DOCK8: variants seen among roughly 807,000 people sequenced by gnomAD.
The protein encoded by DOCK8 is dedicator of cytokinesis 8.
In DOCK8, 141 loss-of-function variants were observed where a neutral mutation model predicts 245.6. That is an observed-to-expected ratio of 0.57 (90% CI 0.50 to 0.66). DOCK8 has a LOEUF of 0.66. Among genes scored for constraint, DOCK8 ranks in the 30% least tolerant of loss-of-function variants. The pLI, the probability that DOCK8 is intolerant of heterozygous loss-of-function variation, is 0.00. For synonymous variants in DOCK8, 1,168 were observed against 970.2 expected, an observed-to-expected ratio of 1.20 and a Z score of -3.79; for missense variants, 2,965 against 2,603.4, an observed-to-expected ratio of 1.14 and a Z score of -3.02.
chr9:317,952 G>C (rs1192818460), intron 7 of DOCK8, among the ~76,000 whole-genome samples: 1 of 141,836 alleles, frequency 7.1e-6, no homozygotes, highest in African/African-American at 2.7e-5. Flanking sequence ...GCATCCAAAC[G>C]TTTCAATTGT....
chr9:395,271 C>A (rs2054395158), intron 24 of DOCK8, among the ~76,000 whole-genome samples: 1 of 152,106 alleles, frequency 6.6e-6, no homozygotes, highest in Non-Finnish European at 1.5e-5. Flanking sequence ...TTAGGTCTTC[C>A]CTGAGCTGGC....
Position 372,194 on chromosome 9 carries a change from A to G in DOCK8, c.2017A>G (p.Ile673Val), listed in dbSNP as rs372858877. Residue 673 changes from isoleucine (I) to valine (V), a missense_variant, in exon 18 of 48, where the codon ATT (isoleucine) becomes GTT (valine). Physicochemically the swap from Ile to Val is conservative, Grantham distance 29. Around this residue, in one of 3 missense-constraint regions of DOCK8, gnomAD observed 2,825 missense variants for 2,453.5 expected, o/e 1.15. Transcript: ENST00000432829. ...ETLLGYSWLP[I>V]LLNERLQTGS... The stretch of plus-strand genomic sequence containing the variant: ...ACATCATCTGTTTCAGTGGCTGCCA[A>G]TTCTCTTAAATGAACGTCTTCAAAC... The G allele has an allele frequency of 1.1e-4, 178 of 1,613,980 alleles. No homozygotes were observed. The highest frequency in any genetic ancestry group is 2.5e-4 in the South Asian group (23 of 91,080).
At chr9:368,160 C>G (rs1232358791) in intron 15 of DOCK8, 25 bp downstream of exon 15, 2 of 1,596,848 alleles carry the variant, frequency 1.3e-6, no homozygotes, top group Non-Finnish European at 1.7e-6. Flanking sequence ...GAACATTTGC[C>G]TCAAATCAGG....
In DOCK8 at chr9:327,963, T is replaced by G. The variant is rs1284944889; in HGVS notation, c.895-59T>G. ...GTGGTGTTTTTACTCCTTTTTAACATGTTTAAACCATGAATGCAACAGGTC... is the reference window on the plus strand; with the variant it reads ...GTGGTGTTTTTACTCCTTTTTAACAGGTTTAAACCATGAATGCAACAGGTC... On this transcript the variant is annotated intron_variant, in intron 8 of 47. Transcript: ENST00000432829. 11 of 1,537,186 alleles carry G rather than the reference T, an allele frequency of 7.2e-6. No homozygotes were observed. In the South Asian group the frequency reaches 1.1e-4, roughly 16 times the overall value.
At chr9:303,280 A>C (rs915460067) in intron 4 of DOCK8, among the ~76,000 whole-genome samples, 1 of 152,212 alleles carries the variant, frequency 6.6e-6, no homozygotes, top group African/African-American at 2.4e-5. Context: ...CAATCCCACT[A>C]CTGGGTCTAT....
intron 4 of DOCK8, among the ~76,000 whole-genome samples, chr9:300,078 G>A (rs2049464433): frequency 6.6e-6 from 1 of 151,456 alleles, no homozygotes; most frequent in African/African-American, 2.4e-5. Flanking sequence ...TAGTCACCAA[G>A]CTAGTCTTAT....
rs781209325 is a variant in DOCK8 at position 463,639 on chromosome 9, A to C, written c.6191A>C (p.Lys2064Thr). 1.2e-6 allele frequency: 2 copies of C among 1,613,832 alleles called. No individual in the cohort carries two copies. The highest frequency in any genetic ancestry group is 2.2e-5 in the South Asian group (2 of 91,082). ...AACCTCAGGCCAATGATCGAGCGGAAAATTCCAGAACTGTACAAGCCAATA... is the reference window on the plus strand; with the variant it reads ...AACCTCAGGCCAATGATCGAGCGGACAATTCCAGAACTGTACAAGCCAATA... Reference protein sequence around the residue: ...KENLRPMIERKIPELYKPIFR... With the variant: ...KENLRPMIERTIPELYKPIFR... Residue 2064 changes from lysine (K) to threonine (T), a missense_variant, in exon 47 of 48, where the codon AAA becomes ACA. Around this residue, in one of 3 missense-constraint regions of DOCK8, gnomAD observed 134 missense variants for 128.1 expected, o/e 1.05. Coordinates refer to ENST00000432829, the MANE Select transcript of DOCK8 (RefSeq NM_203447.4).
intron 14 of DOCK8, 104 bp from the exon 15 acceptor site, chr9:367,914 T>C (rs1586816645): frequency 2.1e-6 from 2 of 942,094 alleles, no homozygotes; most frequent in East Asian, 2.4e-5. Flanking sequence ...AAAAACTTCT[T>C]TGGAAAAAGC....
intron 14 of DOCK8, among the ~76,000 whole-genome samples, chr9:359,739 A>G (rs1394254506): frequency 6.7e-6 from 1 of 149,110 alleles, no homozygotes; most frequent in African/African-American, 2.5e-5. Context: ...GAATGACAGC[A>G]TCTTTGTTCA....
rs527746303 is a variant in DOCK8, at chr9:243,911, G to A, written c.54-27716G>A. On this transcript the variant is annotated intron_variant, in intron 1 of 47. Coordinates refer to ENST00000432829, the MANE Select transcript of DOCK8 (RefSeq NM_203447.4). Reference sequence around the variant, plus strand: ...ATTTTAATGTCAGCTCTCGCCGGGCGCGGTGGCTCATGCCTGTAATCCCAG... The same window carrying A: ...ATTTTAATGTCAGCTCTCGCCGGGCACGGTGGCTCATGCCTGTAATCCCAG... Among the ~76,000 whole-genome samples the A allele has an allele frequency of 2.8e-3, 422 of 152,130 alleles. 3 individuals carry two copies. The highest frequency in any genetic ancestry group is 9.8e-3 in the African/African-American group (406 of 41,518).
intron 46 of DOCK8, among the ~76,000 whole-genome samples, chr9:461,416 A>G (rs1485338236): frequency 2.6e-5 from 4 of 151,032 alleles, no homozygotes; most frequent in Admixed American, 2.6e-4. Context: ...TATTTTTTAA[A>G]TCTCATTGGT....
At chr9:391,376 C>T (rs112639707) in intron 24 of DOCK8, among the ~76,000 whole-genome samples, 18 of 152,156 alleles carry the variant, frequency 1.2e-4, no homozygotes, top group African/African-American at 4.3e-4. Context: ...TTGGGTCTCT[C>T]TTGTGTATTA....
chr9:385,693 A>C (rs906822990), intron 22 of DOCK8, among the ~76,000 whole-genome samples: 1 of 152,206 alleles, frequency 6.6e-6, no homozygotes, highest in African/African-American at 2.4e-5. Flanking sequence ...CTGGTTGTTA[A>C]ACATTTGCCA....
At position 261,168 on chromosome 9, in the gene DOCK8, G is replaced by A. The variant is rs116959332; in HGVS notation, c.54-10459G>A. Among the ~76,000 whole-genome samples the A allele has an allele frequency of 7.2e-5, 11 of 151,834 alleles. No homozygotes were observed. The East Asian group carries it at 1.9e-3, about 27-fold the overall frequency. ...ACCTGGCAGACAGGAGTAGGAGGGA[G>A]ACATTGTACAATATGCTTTTTTATA... On this transcript the variant is annotated intron_variant, in intron 1 of 47. Coordinates refer to ENST00000432829, the MANE Select transcript of DOCK8 (RefSeq NM_203447.4).
intron 14 of DOCK8, among the ~76,000 whole-genome samples, chr9:347,523 C>T (rs146971377): frequency 2.5e-3 from 377 of 152,238 alleles, no homozygotes; most frequent in African/African-American, 8.2e-3. Context: ...AAACAAAAAA[C>T]TCTGTCCTAA....
In DOCK8 at chr9:325,692, C is replaced by T; in HGVS notation, c.849C>T (p.Pro283=). The T allele has an allele frequency of 6.2e-7, 1 of 1,613,966 alleles. No homozygotes were observed. The highest frequency in any genetic ancestry group is 1.1e-5 in the South Asian group (1 of 91,082). ...GTAGGTTCGAGATTGAAATTGAGCC[C>T]CTGTTTGCCAGCATTGCCCTCTACG... The part of the protein sequence containing the change: ...LTLKFEIEIE[P]LFASIALYDV... Residue 283 remains proline, a synonymous_variant, in exon 8 of 48, where the codon CCC becomes CCT. Coordinates refer to ENST00000432829, the MANE Select transcript of DOCK8 (RefSeq NM_203447.4).
intron 9 of DOCK8, among the ~76,000 whole-genome samples, chr9:331,969 G>A (rs975538720): frequency 1.3e-5 from 2 of 152,066 alleles, no homozygotes; most frequent in Non-Finnish European, 2.9e-5. Flanking sequence ...TTTTTACATT[G>A]TAAGCAATAA....
At position 463,502 on chromosome 9, in the gene DOCK8, A is replaced by G. The variant is rs1346420553; in HGVS notation, c.6069-15A>G. ...AAAGTCATTTATTTCTCCCACACTG[A>G]TATTTTCATCTCAGATGTGGTGAAG... On this transcript the variant is annotated splice_polypyrimidine_tract_variant and intron_variant, in intron 46 of 47. Transcript: ENST00000432829. 4.3e-6 allele frequency: 7 copies of G among 1,614,022 alleles called. No homozygotes were observed. Among genetic ancestry groups the G allele is most frequent in the Non-Finnish European group, 5.9e-6 (7 of 1,179,998 alleles).
At chr9:299,291 C>G (rs2049416769) in intron 4 of DOCK8, among the ~76,000 whole-genome samples, 1 of 152,136 alleles carries the variant, frequency 6.6e-6, no homozygotes, top group Non-Finnish European at 1.5e-5. Flanking sequence ...GTGAGAGTGA[C>G]TGTTAAGAAA....
Sources: allele counts gnomAD v4.1 joint callset (sites outside exome capture counted in the v4.1 genomes callset), GRCh38; gene constraint gnomAD v4.1.1; regional missense constraint gnomAD v4.1.1; transcripts MANE v1.5; gene names NCBI Gene and HGNC (gene_info 2026-07-23, HGNC 2026-07-21).